Variants in MPHOSPH9 observed in about 807,000 individuals in gnomAD.
MPHOSPH9 encodes M-phase phosphoprotein 9.
In MPHOSPH9, 88 loss-of-function variants were observed where a neutral mutation model predicts 145.5. The ratio of observed to expected loss-of-function variants is 0.60; its 90% CI spans 0.51 to 0.72. The LOEUF (loss-of-function observed/expected upper bound fraction) is 0.72, where lower values mean the gene tolerates loss of function less well. MPHOSPH9 is among the 30% of genes least tolerant of loss of function. The pLI, the probability that MPHOSPH9 is intolerant of heterozygous loss-of-function variation, is 0.00. For missense variants in MPHOSPH9, 1,238 were observed against 1,386.6 expected (o/e 0.89, Z 1.70); for synonymous variants, 435 against 486.2 (o/e 0.89, Z 1.39).
intron 23 of MPHOSPH9, among the ~76,000 whole-genome samples, chr12:123,158,492 CTTACT>C (rs1350090335): frequency 7.2e-5 from 11 of 152,136 alleles, no homozygotes; most frequent in Non-Finnish European, 1.5e-4. Context: ...GTAGTCCTAG[CTTACT>C]CAAGGGGCTG....
intron 7 of MPHOSPH9, among the ~76,000 whole-genome samples, chr12:123,210,879 G>A (rs747865244): frequency 2.7e-5 from 4 of 150,712 alleles, no homozygotes; most frequent in Non-Finnish European, 4.4e-5. Flanking sequence ...TGCAACCTCC[G>A]CCTCCCGAGT....
At chr12:123,178,193 C>A (rs536414429) in intron 15 of MPHOSPH9, among the ~76,000 whole-genome samples, 2 of 152,208 alleles carry the variant, frequency 1.3e-5, no homozygotes, top group Non-Finnish European at 2.9e-5. Flanking sequence ...TGGTGCATAC[C>A]GCCATGCCTG....
rs2044090411 is a variant in MPHOSPH9, at chr12:123,161,200, G to A, written c.3317C>T (p.Ala1106Val). ...TGTTTCAGCTAGGGTCCGAATTTTT[G>A]CTGTATATTCAAAATCATTCCCCTG... is the stretch of plus-strand genomic sequence containing the variant. ...TPQGNDFEYT[A>V]KIRTLAETER... Residue 1106 changes from alanine (A) to valine (V), a missense_variant, in exon 22 of 24, where the codon GCA becomes GTA. Transcript: ENST00000606320. 6.2e-7 allele frequency: 1 copy of A among 1,613,974 alleles called. No homozygotes were observed. Among genetic ancestry groups the A allele is most frequent in the East Asian group, 2.2e-5 (1 of 44,884 alleles).
At chr12:123,224,595 G>A (rs2047362051) in intron 3 of MPHOSPH9, among the ~76,000 whole-genome samples, 1 of 152,130 alleles carries the variant, frequency 6.6e-6, no homozygotes, top group South Asian at 2.1e-4. Context: ...CAATGGGGAA[G>A]GAACTCCATG....
chr12:123,209,445 T>A (rs1168556168), intron 8 of MPHOSPH9, among the ~76,000 whole-genome samples: 1 of 151,814 alleles, frequency 6.6e-6, no homozygotes, highest in Non-Finnish European at 1.5e-5. Context: ...GCACTCTCGT[T>A]GCCCAAGCTG....
At chr12:123,201,324 T>C (rs951435980) in intron 11 of MPHOSPH9, among the ~76,000 whole-genome samples, 1 of 152,196 alleles carries the variant, frequency 6.6e-6, no homozygotes, top group Non-Finnish European at 1.5e-5. Flanking sequence ...TTGTCTTTTC[T>C]CCTTAGAGAA....
chr12:123,198,277 T>G lies in MPHOSPH9; in HGVS notation c.1995A>C (p.Glu665Asp). The G allele has an allele frequency of 6.2e-7, 1 of 1,611,810 alleles. No homozygotes were observed. The highest frequency in any genetic ancestry group is 8.5e-7 in the Non-Finnish European group (1 of 1,178,762). Residue 665 changes from glutamate to aspartate, a missense_variant, in exon 12 of 24, where the codon GAA becomes GAC. Around this residue, in one of 3 missense-constraint regions of MPHOSPH9, gnomAD observed 837 missense variants for 897.5 expected, o/e 0.93. Coordinates refer to ENST00000606320, the MANE Select transcript of MPHOSPH9 (RefSeq NM_022782.4). Reference protein sequence around the residue: ...HEATSRVRTLENKNNLLEIEV... With the variant: ...HEATSRVRTLDNKNNLLEIEV... ...CAATTTCCAGTAAGTTATTCTTATT[T>G]TCAAGTGTTCTCACGCGACTAGTAG...
rs541754059 is a variant in MPHOSPH9 at position 123,216,406 on chromosome 12, G to A, written c.997-1572C>T. ...CCTCTTTAATGGATCTTTTTCATAGGATGACAAAAAGACCATGTTCAGGAT... is the reference window on the plus strand; with the variant it reads ...CCTCTTTAATGGATCTTTTTCATAGAATGACAAAAAGACCATGTTCAGGAT... On this transcript the variant is annotated intron_variant, in intron 6 of 23. Coordinates refer to ENST00000606320, the MANE Select transcript of MPHOSPH9 (RefSeq NM_022782.4). Among the ~76,000 whole-genome samples the A allele has an allele frequency of 1.1e-4, 17 of 152,236 alleles. No individual in the cohort carries two copies. The South Asian group carries it at 2.7e-3, about 24-fold the overall frequency.
rs763006750 is a variant in MPHOSPH9, at chr12:123,221,516, A to T, written c.728T>A (p.Val243Glu). 6.2e-7 allele frequency: 1 copy of T among 1,614,212 alleles called. No individual in the cohort carries two copies. Among genetic ancestry groups the T allele is most frequent in the South Asian group, 1.1e-5 (1 of 91,090 alleles). Residue 243 changes from valine (V) to glutamate (E), a missense_variant, in exon 5 of 24, where the codon GTG becomes GAG. Physicochemically the swap from Val to Glu is moderately radical, Grantham distance 121. Around this residue, in one of 3 missense-constraint regions of MPHOSPH9, gnomAD observed 837 missense variants for 897.5 expected, o/e 0.93. Coordinates refer to ENST00000606320, the MANE Select transcript of MPHOSPH9 (RefSeq NM_022782.4). Reference protein sequence around the residue: ...AVPAESLVDGVKNENFYIQTP... With the variant: ...AVPAESLVDGEKNENFYIQTP... ...CTGTATATAAAAATTCTCATTTTTC[A>T]CACCATCTACAAGTGACTCAGCCGG...
chr12:123,180,379 T>G (rs546656839), intron 14 of MPHOSPH9, among the ~76,000 whole-genome samples: 2 of 152,206 alleles, frequency 1.3e-5, no homozygotes, highest in African/African-American at 4.8e-5. Context: ...TATGCAGGCC[T>G]TTTTGCTGAG....
At chr12:123,193,100 T>TAG (rs2045774859) in intron 13 of MPHOSPH9, among the ~76,000 whole-genome samples, 1 of 96,720 alleles carries the variant, frequency 1.0e-5, no homozygotes. Flanking sequence ...AAAAAAAATA[T>TAG]ATATATATAC....
chr12:123,161,983 T>C (rs2044129599), intron 21 of MPHOSPH9, 132 bp downstream of exon 21: 1 of 499,478 alleles, frequency 2.0e-6, no homozygotes, highest in Non-Finnish European at 3.4e-6. Flanking sequence ...TCATGAGTGC[T>C]TAGTTTCAGA....
intron 5 of MPHOSPH9, 144 bp from the exon 6 acceptor site, chr12:123,218,643 A>G: frequency 1.4e-6 from 1 of 700,586 alleles, no homozygotes. Context: ...CTCGTGCCTC[A>G]GTCTCCTGAA....
At chr12:123,190,131 C>T (rs2045612157) in intron 13 of MPHOSPH9, among the ~76,000 whole-genome samples, 1 of 151,298 alleles carries the variant, frequency 6.6e-6, no homozygotes, top group African/African-American at 2.4e-5. Context: ...GGGATGTCAA[C>T]TGCATTTTGT....
intron 11 of MPHOSPH9, among the ~76,000 whole-genome samples, chr12:123,199,600 C>G (rs2046127134): frequency 6.6e-6 from 1 of 151,872 alleles, no homozygotes; most frequent in Admixed American, 6.6e-5. Flanking sequence ...CTAAACCATC[C>G]TGGATAATAC....
At chr12:123,209,717 T>A (rs980569647) in intron 8 of MPHOSPH9, among the ~76,000 whole-genome samples, 3 of 149,704 alleles carry the variant, frequency 2.0e-5, no homozygotes, top group African/African-American at 7.3e-5. Context: ...CAGTCCACGG[T>A]GTGTGTGTTT....
intron 16 of MPHOSPH9, among the ~76,000 whole-genome samples, chr12:123,167,278 C>T (rs982290196): frequency 4.6e-5 from 7 of 152,124 alleles, no homozygotes; most frequent in Admixed American, 1.3e-4. Context: ...AATTATAAAA[C>T]GTTAATTTTA....
rs147065454 is a variant in MPHOSPH9, at chr12:123,202,854, C to T, written c.1551G>A (p.Pro517=). The part of the protein sequence containing the change: ...PKYPSHTKAS[P]VDSWKNQTFQ... ...ATGTCTGATTTTTCCAAGAGTCCAC[C>T]GGAGAAGCTTTTGTGTGTGAGGGAT... Residue 517 remains proline (P), a synonymous_variant, in exon 10 of 24, where the codon CCG becomes CCA. Transcript: ENST00000606320. 872 of 1,614,090 alleles carry T rather than the reference C, an allele frequency of 5.4e-4. 5 individuals carry two copies. The African/African-American group carries it at 0.01, about 19-fold the overall frequency.
At chr12:123,201,227 T>TATGGG (rs1555225144) in intron 11 of MPHOSPH9, among the ~76,000 whole-genome samples, 1 of 110,180 alleles carries the variant, frequency 9.1e-6, no homozygotes, top group African/African-American at 2.5e-5. Context: ...CTTTGAAAGT[T>TATGGG]AAACTGTTTT....
Sources: gnomAD v4.1 joint callset for allele counts (sites outside exome capture counted in the v4.1 genomes callset) on GRCh38, gnomAD v4.1.1 for gene constraint, gnomAD v4.1.1 regional missense constraint, MANE v1.5 for transcripts, NCBI Gene and HGNC (gene_info 2026-07-23, HGNC 2026-07-21) for gene names.